The following SMC5 variants were observed in gnomAD, a reference collection of about 807,000 sequenced individuals.
The protein encoded by SMC5 is structural maintenance of chromosomes protein 5.
A neutral mutation model predicts 148.3 loss-of-function variants in SMC5; 88 were observed. The ratio of observed to expected loss-of-function variants is 0.59; its 90% CI spans 0.50 to 0.71. The LOEUF is 0.71. Among genes scored for constraint, SMC5 ranks in the 30% least tolerant of loss-of-function variants. The pLI, the probability that SMC5 is intolerant of heterozygous loss-of-function variation, is 0.00. For missense variants in SMC5, 1,142 were observed against 1,298.9 expected (o/e 0.88, Z 1.86); for synonymous variants, 421 against 432.8 (o/e 0.97, Z 0.34).
Position 70,278,928 on chromosome 9 carries a change from A to G in SMC5, c.678+303A>G, listed in dbSNP as rs535132683. On this transcript the variant is annotated intron_variant, in intron 5 of 24. Coordinates refer to ENST00000361138, the MANE Select transcript of SMC5 (RefSeq NM_015110.4). The stretch of plus-strand genomic sequence containing the variant: ...TTATTCTTTCATTCATTCAGTATCT[A>G]TTAAACACCTACTATGTGCCAGGCA... Among the ~76,000 whole-genome samples the G allele has an allele frequency of 8.5e-4, 130 of 152,328 alleles. 1 individual carries two copies. The highest frequency in any genetic ancestry group is 3.1e-3 in the African/African-American group (127 of 41,566).
intron 10 of SMC5, among the ~76,000 whole-genome samples, chr9:70,302,082 T>A (rs1255367242): frequency 6.6e-6 from 1 of 152,196 alleles, no homozygotes; most frequent in East Asian, 1.9e-4. Flanking sequence ...TGTCTAAATC[T>A]TCCTTAAGGG....
chr9:70,340,079 A>G (rs2036478785), intron 17 of SMC5, among the ~76,000 whole-genome samples: 1 of 152,190 alleles, frequency 6.6e-6, no homozygotes, highest in South Asian at 2.1e-4. Flanking sequence ...ATATATATCA[A>G]GATGCCTAGT....
At position 70,347,708 on chromosome 9, in the gene SMC5, C is replaced by T; in HGVS notation, c.2760C>T (p.Asn920=). The change falls in exon 21 of 25, where the codon AAC becomes AAT. Residue 920 remains asparagine, a synonymous_variant. Coordinates refer to ENST00000361138, the MANE Select transcript of SMC5 (RefSeq NM_015110.4). ...KKVELDQYRE[N]ISQVKERWLN... Reference sequence around the variant, plus strand: ...TTGAACTAGATCAATACAGGGAAAACATTTCACAGGTAATTTTTTAGTTTT... The same window carrying T: ...TTGAACTAGATCAATACAGGGAAAATATTTCACAGGTAATTTTTTAGTTTT... 2 of 1,542,580 alleles carry T rather than the reference C, an allele frequency of 1.3e-6. No individual in the cohort carries two copies.
At chr9:70,335,486 T>TA (rs1226430132) in intron 17 of SMC5, among the ~76,000 whole-genome samples, 2 of 151,116 alleles carry the variant, frequency 1.3e-5, no homozygotes, top group East Asian at 1.9e-4. Flanking sequence ...GACCCTGTCT[T>TA]AAAAAAAAAC....
rs896374884 is a variant in SMC5, at chr9:70,323,351, G to A, written c.2151-132G>A. The A allele has an allele frequency of 1.4e-5, 10 of 738,540 alleles. No individual in the cohort carries two copies. The East Asian group carries it at 1.8e-4, about 13-fold the overall frequency. 45.7% of individuals were successfully genotyped at this position (738,540 alleles called of 1,614,324 possible). On this transcript the variant is annotated intron_variant, in intron 15 of 24. Coordinates refer to ENST00000361138, the MANE Select transcript of SMC5 (RefSeq NM_015110.4). The stretch of plus-strand genomic sequence containing the variant: ...CAGAAACAACTTATATTGATTGATC[G>A]GTTATGGGCCAGGCACTATATATCT...
intron 3 of SMC5, among the ~76,000 whole-genome samples, chr9:70,271,447 G>T (rs552360933): frequency 2.6e-4 from 40 of 152,210 alleles, no homozygotes; most frequent in African/African-American, 9.4e-4. Flanking sequence ...ATACTAACTG[G>T]CCATGTATTC....
chr9:70,278,694 G>A, intron 5 of SMC5, 69 bp downstream of exon 5: 1 of 1,455,152 alleles, frequency 6.9e-7, no homozygotes. Flanking sequence ...ATGGGAGAGA[G>A]AGTAGTAGTA....
chr9:70,325,246 G>C (rs548471060), intron 17 of SMC5, among the ~76,000 whole-genome samples: 1 of 152,188 alleles, frequency 6.6e-6, no homozygotes, highest in Admixed American at 6.6e-5. Context: ...GAGTAATACA[G>C]ACTTTCCTAT....
chr9:70,273,696 A>T (rs929198261), intron 3 of SMC5, among the ~76,000 whole-genome samples: 1 of 152,150 alleles, frequency 6.6e-6, no homozygotes, highest in African/African-American at 2.4e-5. Flanking sequence ...ATGAGTTCAT[A>T]ATTAGAAGTT....
At chr9:70,286,869 A>G (rs561689431) in intron 8 of SMC5, 1 of 152,106 alleles carries the variant, frequency 6.6e-6, no homozygotes, top group African/African-American at 2.4e-5. Flanking sequence ...GGTGCATGCG[A>G]CCACACCCAG....
chr9:70,347,293 G>A (rs1270088630), intron 20 of SMC5, 132 bp downstream of exon 20: 2 of 630,430 alleles, frequency 3.2e-6, no homozygotes, highest in Non-Finnish European at 5.4e-6. Context: ...GTAATAATAA[G>A]CTAGACAGCA....
chr9:70,341,177 AT>A (rs2036512855), intron 17 of SMC5, among the ~76,000 whole-genome samples: 1 of 152,238 alleles, frequency 6.6e-6, no homozygotes, highest in Non-Finnish European at 1.5e-5. Flanking sequence ...AACAAGTGCC[AT>A]GTGAAGATCT....
chr9:70,345,283 T>A (rs2036639434), intron 18 of SMC5, among the ~76,000 whole-genome samples: 1 of 152,144 alleles, frequency 6.6e-6, no homozygotes, highest in Non-Finnish European at 1.5e-5. Flanking sequence ...AATTACCTCT[T>A]ATATGTCAAG....
intron 1 of SMC5, among the ~76,000 whole-genome samples, chr9:70,261,931 G>A (rs1240178055): frequency 6.6e-6 from 1 of 152,208 alleles, no homozygotes; most frequent in Non-Finnish European, 1.5e-5. Context: ...TTTAGCAATT[G>A]GGAAATCTTT....
intron 8 of SMC5, among the ~76,000 whole-genome samples, chr9:70,291,156 C>A (rs1230036862): frequency 6.6e-6 from 1 of 152,078 alleles, no homozygotes; most frequent in Non-Finnish European, 1.5e-5. Flanking sequence ...TATTCTTGGT[C>A]ATATGTGGCT....
At position 70,318,783 on chromosome 9, in the gene SMC5, ATATTT is replaced by A. The variant is rs765108969; in HGVS notation, c.1981-7_1981-3del. 15 of 1,551,978 alleles carry A rather than the reference ATATTT, an allele frequency of 9.7e-6. No homozygotes were observed. The highest frequency in any genetic ancestry group is 1.3e-5 in the Non-Finnish European group (15 of 1,155,914). ...TTTTAAATATGTTAACAATTTTTAAATATTTTATAGGAAATTCATAGAAAATTGCA... is the reference window on the plus strand; with the variant it reads ...TTTTAAATATGTTAACAATTTTTAAATATAGGAAATTCATAGAAAATTGCA... On this transcript the variant is annotated splice_region_variant and splice_polypyrimidine_tract_variant and intron_variant, in intron 14 of 24. Transcript: ENST00000361138.
At chr9:70,293,975 A>C (rs2035131854) in intron 8 of SMC5, among the ~76,000 whole-genome samples, 1 of 152,126 alleles carries the variant, frequency 6.6e-6, no homozygotes, top group Non-Finnish European at 1.5e-5. Context: ...GAAAAATTAC[A>C]CCTTCTTAAG....
intron 17 of SMC5, among the ~76,000 whole-genome samples, chr9:70,326,617 T>G (rs891465328): frequency 1.3e-5 from 2 of 151,136 alleles, no homozygotes; most frequent in Non-Finnish European, 3.0e-5. Context: ...TTTTTTAATT[T>G]TTTTTTTTTA....
chr9:70,259,014 G>A lies in SMC5; in HGVS notation c.-65G>A. On this transcript the variant is annotated 5_prime_UTR_variant, in exon 1 of 25. Coordinates refer to ENST00000361138, the MANE Select transcript of SMC5 (RefSeq NM_015110.4). ...GAGCGGGGCGCCTGGGTGGATGGGC[G>A]CTTGGGCGCCTGGGCTGCCGGACGG... is the stretch of plus-strand genomic sequence containing the variant. 1 of 1,499,630 alleles carries A rather than the reference G, an allele frequency of 6.7e-7. No individual in the cohort carries two copies. The highest frequency in any genetic ancestry group is 1.3e-5 in the South Asian group (1 of 75,452). 92.9% of individuals were successfully genotyped at this position (1,499,630 alleles called of 1,614,324 possible).
Sources: allele counts gnomAD v4.1 joint callset (sites outside exome capture counted in the v4.1 genomes callset), GRCh38; gene constraint gnomAD v4.1.1; transcripts MANE v1.5; gene names NCBI Gene and HGNC (gene_info 2026-07-23, HGNC 2026-07-21).